Variants in TOMM70 observed in about 807,000 individuals in gnomAD.
TOMM70 encodes the protein translocase of outer mitochondrial membrane 70.
A neutral mutation model predicts 73.6 loss-of-function variants in TOMM70; 13 were observed. The observed-to-expected ratio is 0.18, with a 90% CI of 0.11 to 0.28. The LOEUF is 0.28. Among genes scored for constraint, TOMM70 ranks in the 10% least tolerant of loss-of-function variants. The pLI is 1.00. For synonymous variants in TOMM70, 257 were observed against 271.2 expected (o/e 0.95, Z 0.51); for missense variants, 609 against 747.5 (o/e 0.81, Z 2.16).
intron 9 of TOMM70, among the ~76,000 whole-genome samples, chr3:100,371,259 ATTTTTTTTTTT>A (rs61515802): frequency 1.8e-4 from 18 of 98,650 alleles, no homozygotes; most frequent in East Asian, 3.0e-4. Context: ...CAGCGATGGT[ATTTTTTTTTTT>A]TTTTTTTTTT....
chr3:100,401,043 A>C lies in TOMM70; in HGVS notation c.-94T>G. ...GAAGACCGAGGGAGGGAAGGAAAGCAATGAGCGAGCGAGCACGCTAGGCAG... is the reference window on the plus strand; with the variant it reads ...GAAGACCGAGGGAGGGAAGGAAAGCCATGAGCGAGCGAGCACGCTAGGCAG... On this transcript the variant is annotated 5_prime_UTR_variant, in exon 1 of 12. In the 5' UTR this introduces an upstream ATG that the reference lacks. Coordinates refer to ENST00000284320, the MANE Select transcript of TOMM70 (RefSeq NM_014820.5). The C allele has an allele frequency of 7.5e-7, 1 of 1,325,966 alleles. No homozygotes were observed. The highest frequency in any genetic ancestry group is 1.0e-6 in the Non-Finnish European group (1 of 967,052). 82.1% of individuals were successfully genotyped at this position (1,325,966 alleles called of 1,614,324 possible).
At chr3:100,400,109 A>G (rs1391092385) in intron 1 of TOMM70, among the ~76,000 whole-genome samples, 1 of 152,142 alleles carries the variant, frequency 6.6e-6, no homozygotes, top group Non-Finnish European at 1.5e-5. Flanking sequence ...GTAGAAAGCC[A>G]TCTAATCGTT....
intron 1 of TOMM70, among the ~76,000 whole-genome samples, chr3:100,393,156 A>AC (rs1337417794): frequency 6.6e-6 from 1 of 151,860 alleles, no homozygotes; most frequent in Non-Finnish European, 1.5e-5. Flanking sequence ...AGCCTGGGCA[A>AC]CAAGAGTGAA....
intron 5 of TOMM70, among the ~76,000 whole-genome samples, chr3:100,381,070 G>A (rs940811312): frequency 1.3e-5 from 2 of 152,170 alleles, no homozygotes; most frequent in Middle Eastern, 3.4e-3. Context: ...TGGTTTATAC[G>A]ACATTATATC....
chr3:100,399,530 C>T (rs1706864365), intron 1 of TOMM70, among the ~76,000 whole-genome samples: 1 of 152,148 alleles, frequency 6.6e-6, no homozygotes, highest in African/African-American at 2.4e-5. Flanking sequence ...CAGACTAATT[C>T]TCTGCACAGC....
At chr3:100,387,095 T>C (rs546554777) in intron 1 of TOMM70, 117 bp from the exon 2 acceptor site, 1 of 1,061,464 alleles carries the variant, frequency 9.4e-7, no homozygotes, top group East Asian at 2.5e-5. Context: ...ACAATGTAAG[T>C]TGCTTCATAC....
chr3:100,395,820 T>C, intron 1 of TOMM70, among the ~76,000 whole-genome samples: 1 of 152,136 alleles, frequency 6.6e-6, no homozygotes, highest in South Asian at 2.1e-4. Flanking sequence ...GTCTCAGCCT[T>C]CACAGATTCA....
intron 1 of TOMM70, among the ~76,000 whole-genome samples, chr3:100,396,884 G>GA (rs1054855562): frequency 3.9e-5 from 6 of 151,926 alleles, no homozygotes; most frequent in Non-Finnish European, 8.8e-5. Flanking sequence ...TGCTATCCCA[G>GA]AAAAAAGGTA....
rs1559831782 is a variant in TOMM70 at position 100,377,816 on chromosome 3, G to A, written c.981C>T (p.Tyr327=). ...CTCGTAGTAGCAATGCTTCTGCCAT[G>A]TATTTGCCTTCAGCATCTATTTCTT... ...CSKEIDAEGK[Y]MAEALLLRAT... Residue 327 remains tyrosine (Y), a synonymous_variant, in exon 6 of 12, where the codon TAC becomes TAT. Transcript: ENST00000284320. The A allele has an allele frequency of 4.3e-6, 7 of 1,614,078 alleles. No individual in the cohort carries two copies. Among genetic ancestry groups the A allele is most frequent in the Non-Finnish European group, 5.9e-6 (7 of 1,180,022 alleles).
In TOMM70 at chr3:100,400,867, G is replaced by A; in HGVS notation, c.83C>T (p.Thr28Ile). ...SSGSGVGGGG[T>I]AGPGTGGLPR... ...CAGCCCCCCCGTGCCCGGGCCCGCA[G>A]TCCCGCCGCCGCCCACCCCACTCCC... The change falls in exon 1 of 12, where the codon ACT becomes ATT. Residue 28 changes from threonine (T) to isoleucine (I), a missense_variant. By Grantham distance (89) the Thr-to-Ile change is moderately conservative. Transcript: ENST00000284320. The A allele has an allele frequency of 1.3e-6, 2 of 1,527,316 alleles. No homozygotes were observed. Among genetic ancestry groups the A allele is most frequent in the Non-Finnish European group, 1.7e-6 (2 of 1,144,116 alleles). The allele number at this position is 1,527,316 out of a possible 1,614,324, so 94.6% of individuals were successfully genotyped here.
chr3:100,378,611 C>G (rs1706592787), intron 5 of TOMM70, among the ~76,000 whole-genome samples: 1 of 152,160 alleles, frequency 6.6e-6, no homozygotes, highest in African/African-American at 2.4e-5. Context: ...TGGTACTCAA[C>G]AGTTGTTTAA....
intron 1 of TOMM70, among the ~76,000 whole-genome samples, chr3:100,392,745 A>G (rs1706777176): frequency 6.6e-6 from 1 of 152,154 alleles, no homozygotes; most frequent in African/African-American, 2.4e-5. Context: ...ACTAGAATAG[A>G]CATAAAAAGA....
chr3:100,394,381 G>C (rs1706797803), intron 1 of TOMM70, among the ~76,000 whole-genome samples: 1 of 108,486 alleles, frequency 9.2e-6, no homozygotes, highest in South Asian at 2.5e-4. Context: ...TTTTTTTTGA[G>C]ATAGAGTTTT....
intron 5 of TOMM70, 91 bp from the exon 6 acceptor site, chr3:100,378,003 T>A (rs1376308997): frequency 8.8e-7 from 1 of 1,138,422 alleles, no homozygotes; most frequent in Non-Finnish European, 1.3e-6. Flanking sequence ...TCCCAGCACT[T>A]TGGGAGGCCG....
At chr3:100,368,566 C>T (rs1230202679) in intron 10 of TOMM70, among the ~76,000 whole-genome samples, 1 of 152,050 alleles carries the variant, frequency 6.6e-6, no homozygotes, top group Non-Finnish European at 1.5e-5. Flanking sequence ...AAGAATAGTA[C>T]ATTAATTTCT....
chr3:100,369,160 T>C, intron 9 of TOMM70, 25 bp from the exon 10 acceptor site: 1 of 1,530,014 alleles, frequency 6.5e-7, no homozygotes, highest in Non-Finnish European at 9.0e-7. Flanking sequence ...ACTTCAGTTA[T>C]ATTAAGGTAA....
At chr3:100,369,005 TTA>T (rs765214585) in intron 10 of TOMM70, 31 bp downstream of exon 10, 3 of 1,477,142 alleles carry the variant, frequency 2.0e-6, no homozygotes, top group Non-Finnish European at 2.8e-6. Context: ...AAGAAATTTA[TTA>T]TCTCATTGGA....
Position 100,400,713 on chromosome 3 carries a change from G to A in TOMM70, c.237C>T (p.Arg79=). The change falls in exon 1 of 12, where the codon CGC becomes CGT. Residue 79 remains arginine (R), a synonymous_variant. Coordinates refer to ENST00000284320, the MANE Select transcript of TOMM70 (RefSeq NM_014820.5). ...CCTCCGGGGTCTTCCGTTCGCTGTT[G>A]CGCTTCAGGCCGCTGGCGTCGCCCC... is the stretch of plus-strand genomic sequence containing the variant. ...RGRGDASGLK[R]NSERKTPEGR... is the part of the protein sequence containing the mutation. The A allele has an allele frequency of 6.2e-7, 1 of 1,610,476 alleles. No individual in the cohort carries two copies.
chr3:100,384,020 C>G (rs1282866733), intron 4 of TOMM70, among the ~76,000 whole-genome samples: 1 of 152,130 alleles, frequency 6.6e-6, no homozygotes, highest in Non-Finnish European at 1.5e-5. Context: ...AAAACTAATG[C>G]CAACTTACTC....
Sources: gnomAD v4.1 joint callset for allele counts (sites outside exome capture counted in the v4.1 genomes callset) on GRCh38, gnomAD v4.1.1 for gene constraint, MANE v1.5 for transcripts, NCBI Gene and HGNC (gene_info 2026-07-23, HGNC 2026-07-21) for gene names.